UBE3A: variants seen among roughly 807,000 people sequenced by gnomAD.
The protein encoded by UBE3A is ubiquitin-protein ligase E3A.
Under a neutral mutation model 83.4 loss-of-function variants are expected in UBE3A, and 6 were observed. The observed-to-expected ratio is 0.07, with a 90% CI of 0.04 to 0.14. The LOEUF (loss-of-function observed/expected upper bound fraction) is 0.14. UBE3A is among the 10% of genes least tolerant of loss of function. The probability of loss-of-function intolerance (pLI) is 1.00; values close to 1 mark genes in which losing one functional copy is unlikely to be tolerated. For synonymous variants in UBE3A, 337 were observed against 355.4 expected (o/e 0.95, Z 0.58); for missense variants, 456 against 1,036.1 (o/e 0.44, Z 7.69).
At chr15:25,430,051 T>TATATATATAATATATATATAATCTTATA (rs1567190959) in intron 1 of UBE3A, among the ~76,000 whole-genome samples, 1 of 78,046 alleles carries the variant, frequency 1.3e-5, no homozygotes, top group Non-Finnish European at 2.2e-5. Context: ...ATATATATAT[T>TATATATATAATATATATATAATCTTATA]TATATGTATT....
intron 3 of UBE3A, among the ~76,000 whole-genome samples, chr15:25,406,019 C>T (rs1181579815): frequency 6.6e-6 from 1 of 152,206 alleles, no homozygotes; most frequent in Non-Finnish European, 1.5e-5. Flanking sequence ...ATTTAGGTAT[C>T]ATCTATGGCT....
At chr15:25,394,870 T>C (rs1006367189) in intron 4 of UBE3A, among the ~76,000 whole-genome samples, 11 of 152,210 alleles carry the variant, frequency 7.2e-5, no homozygotes, top group Admixed American at 2.6e-4. Flanking sequence ...ACCTACTGTA[T>C]GCCAGGCACT....
intron 6 of UBE3A, among the ~76,000 whole-genome samples, chr15:25,364,653 T>TTTG (rs2078753275): frequency 1.3e-5 from 2 of 150,022 alleles, no homozygotes; most frequent in African/African-American, 4.9e-5. Context: ...TTGTTTTTTT[T>TTTG]TTTTTTTTGA....
At chr15:25,360,662 A>G (rs1262859633) in intron 6 of UBE3A, 135 bp from the exon 7 acceptor site, 3 of 938,744 alleles carry the variant, frequency 3.2e-6, no homozygotes, top group African/African-American at 3.3e-5. Context: ...AACAGAAAGC[A>G]AACTGATAAA....
rs1566797461 is a variant in UBE3A, at chr15:25,334,148, T to A, written c.*4989A>T. On this transcript the variant is annotated 3_prime_UTR_variant, in exon 13 of 13. Transcript: ENST00000648336. Reference sequence around the variant, plus strand: ...GGAATCTAGACTGGAAAGGAAGAAGTAAAAGTATTTCTGTTCACAGATGCA... The same window carrying A: ...GGAATCTAGACTGGAAAGGAAGAAGAAAAAGTATTTCTGTTCACAGATGCA... 6.6e-6 allele frequency: 1 copy of A among 152,042 alleles called. No homozygotes were observed. The highest frequency in any genetic ancestry group is 6.5e-5 in the Admixed American group (1 of 15,276). The allele number at this position is 152,042 out of a possible 1,614,324, so 9.4% of individuals were successfully genotyped here.
At chr15:25,423,483 T>C (rs898380908) in intron 1 of UBE3A, among the ~76,000 whole-genome samples, 4 of 152,290 alleles carry the variant, frequency 2.6e-5, no homozygotes, top group Admixed American at 1.3e-4. Flanking sequence ...AAAGCAAATA[T>C]TGAAAACAAC....
chr15:25,354,939 A>G (rs932278721), intron 9 of UBE3A, among the ~76,000 whole-genome samples: 5 of 152,070 alleles, frequency 3.3e-5, no homozygotes, highest in African/African-American at 9.7e-5. Context: ...AAAGAAAACT[A>G]CTTCTTACAA....
At chr15:25,354,715 ATAATATGCTATGCAAAC>A in intron 9 of UBE3A, 32 bp from the exon 10 acceptor site, 1 of 1,589,886 alleles carries the variant, frequency 6.3e-7, no homozygotes, top group Non-Finnish European at 8.6e-7. Flanking sequence ...AGAACTTCTT[ATAATATGCTATGCAAAC>A]AAAACACAAG....
chr15:25,422,362 T>A (rs749150346), intron 1 of UBE3A, among the ~76,000 whole-genome samples: 6 of 152,184 alleles, frequency 3.9e-5, no homozygotes, highest in Non-Finnish European at 7.3e-5. Context: ...TATATATTTA[T>A]CAAAATCAAT....
At chr15:25,368,299 T>C (rs988148515) in intron 6 of UBE3A, among the ~76,000 whole-genome samples, 1 of 152,134 alleles carries the variant, frequency 6.6e-6, no homozygotes, top group Admixed American at 6.5e-5. Context: ...GAATACTTAC[T>C]TCAAAAAATT....
At chr15:25,347,194 T>G (rs957073787) in intron 11 of UBE3A, 1 of 152,200 alleles carries the variant, frequency 6.6e-6, no homozygotes, top group Non-Finnish European at 1.5e-5. Context: ...CATCACTCCC[T>G]TGATAAGTTC....
Position 25,355,887 on chromosome 15 carries a change from A to C in UBE3A, c.2124+5T>G. ...GACAAAATGTGACATAAAAACATTTATTACCTTCCTGTTTTCATTTGTAAT... is the reference window on the plus strand; with the variant it reads ...GACAAAATGTGACATAAAAACATTTCTTACCTTCCTGTTTTCATTTGTAAT... On this transcript the variant is annotated splice_donor_5th_base_variant and intron_variant, in intron 9 of 12. Coordinates refer to ENST00000648336, the MANE Select transcript of UBE3A (RefSeq NM_130839.5). 6.2e-7 allele frequency: 1 copy of C among 1,610,942 alleles called. No homozygotes were observed. Among genetic ancestry groups the C allele is most frequent in the Non-Finnish European group, 8.5e-7 (1 of 1,178,266 alleles).
intron 1 of UBE3A, among the ~76,000 whole-genome samples, chr15:25,435,887 A>G (rs1894922577): frequency 6.6e-6 from 1 of 152,238 alleles, no homozygotes; most frequent in African/African-American, 2.4e-5. Context: ...TCCACTACAT[A>G]CAAGGTGCTT....
intron 11 of UBE3A, 54 bp downstream of exon 11, chr15:25,354,299 A>G: frequency 6.4e-7 from 1 of 1,562,776 alleles, no homozygotes; most frequent in South Asian, 1.1e-5. Flanking sequence ...CTGAAGCAAA[A>G]TCACACACCC....
At chr15:25,434,726 T>C (rs1436004672) in intron 1 of UBE3A, among the ~76,000 whole-genome samples, 1 of 152,176 alleles carries the variant, frequency 6.6e-6, no homozygotes, top group Non-Finnish European at 1.5e-5. Flanking sequence ...TGCAGAGTCC[T>C]GAACTAGAGA....
intron 1 of UBE3A, among the ~76,000 whole-genome samples, chr15:25,431,825 G>A (rs751851336): frequency 6.6e-6 from 1 of 152,026 alleles, no homozygotes; most frequent in East Asian, 1.9e-4. Context: ...AAAATATTTA[G>A]CAAAGATAAT....
chr15:25,398,419 T>C (rs1453901593), intron 4 of UBE3A, among the ~76,000 whole-genome samples: 3 of 152,014 alleles, frequency 2.0e-5, no homozygotes, highest in Admixed American at 6.6e-5. Context: ...TTCCTCTTAA[T>C]TGAAATTTTG....
chr15:25,355,110 AAC>A (rs1471919162), intron 9 of UBE3A, among the ~76,000 whole-genome samples: 4 of 151,854 alleles, frequency 2.6e-5, no homozygotes, highest in Non-Finnish European at 5.9e-5. Context: ...TAGGTATGTA[AAC>A]AGACACATTT....
chr15:25,382,269 C>T (rs2152899707), intron 4 of UBE3A, among the ~76,000 whole-genome samples: 1 of 150,870 alleles, frequency 6.6e-6, no homozygotes, highest in Non-Finnish European at 1.5e-5. Flanking sequence ...TGCAGTGAGC[C>T]GAGACAGAGC....
Sources: allele counts gnomAD v4.1 joint callset (sites outside exome capture counted in the v4.1 genomes callset), GRCh38; gene constraint gnomAD v4.1.1; transcripts MANE v1.5; gene names NCBI Gene and HGNC (gene_info 2026-07-23, HGNC 2026-07-21).